Variants in LRBA observed in about 807,000 individuals in gnomAD.
LRBA encodes the protein LPS responsive beige-like anchor protein.
In LRBA, 176 loss-of-function variants were observed where a neutral mutation model predicts 330.0. That is an observed-to-expected ratio of 0.53 (90% CI 0.47 to 0.60). LRBA has a LOEUF of 0.60. Among genes scored for constraint, LRBA ranks in the 20% least tolerant of loss-of-function variants. The pLI is 0.00. For synonymous variants in LRBA, 1,230 were observed against 1,193.0 expected (o/e 1.03, Z -0.64); for missense variants, 3,259 against 3,444.8 (o/e 0.95, Z 1.35).
At chr4:150,376,600 T>G (rs980234814) in intron 47 of LRBA, among the ~76,000 whole-genome samples, 1 of 152,144 alleles carries the variant, frequency 6.6e-6, no homozygotes, top group Non-Finnish European at 1.5e-5. Context: ...CCTTTTTCTA[T>G]CGGAGGACCC....
chr4:150,589,689 G>T (rs1345746881), intron 39 of LRBA, among the ~76,000 whole-genome samples: 1 of 152,052 alleles, frequency 6.6e-6, no homozygotes, highest in Non-Finnish European at 1.5e-5. Flanking sequence ...TATTAGTGTG[G>T]ATTACTTCTT....
chr4:150,995,248 C>T (rs1393429175), intron 2 of LRBA, among the ~76,000 whole-genome samples: 2 of 151,820 alleles, frequency 1.3e-5, no homozygotes, highest in African/African-American at 4.8e-5. Flanking sequence ...CAGAAGCAAA[C>T]ACCAATCCAG....
chr4:151,009,169 T>C (rs4696644), intron 2 of LRBA, among the ~76,000 whole-genome samples: 143,024 of 149,530 alleles, frequency 0.96, 68,716 homozygotes, highest in Non-Finnish European at 1. Flanking sequence ...TGTGCCCAGC[T>C]CAAATTTTCA....
At chr4:150,435,742 C>G (rs1751027319) in intron 45 of LRBA, 34 bp from the exon 46 acceptor site, 1 of 1,563,926 alleles carries the variant, frequency 6.4e-7, no homozygotes, top group Non-Finnish European at 8.7e-7. Flanking sequence ...TCCATATGTT[C>G]CCTCAGGCAT....
chr4:150,722,819 G>T (rs186325684), intron 36 of LRBA, among the ~76,000 whole-genome samples: 1 of 152,134 alleles, frequency 6.6e-6, no homozygotes, highest in East Asian at 1.9e-4. Context: ...GGGCAGGAGA[G>T]ACAGACTTGA....
intron 2 of LRBA, among the ~76,000 whole-genome samples, chr4:150,957,377 C>T (rs1372015917): frequency 6.7e-6 from 1 of 148,322 alleles, no homozygotes; most frequent in African/African-American, 2.6e-5. Context: ...CACCAGATCT[C>T]ATGAGACTTA....
intron 17 of LRBA, among the ~76,000 whole-genome samples, chr4:150,889,209 T>G (rs183894673): frequency 6.6e-6 from 1 of 152,216 alleles, no homozygotes; most frequent in Admixed American, 6.5e-5. Context: ...TTATGTCTAG[T>G]GTTCCATTAT....
In LRBA at chr4:150,849,403, A is replaced by G. The variant is rs1750320032; in HGVS notation, c.4158+19T>C. 19 of 1,609,742 alleles carry G rather than the reference A, an allele frequency of 1.2e-5. No homozygotes were observed. The highest frequency in any genetic ancestry group is 1.6e-5 in the Non-Finnish European group (19 of 1,177,964). On this transcript the variant is annotated intron_variant, in intron 25 of 56. Coordinates refer to ENST00000651943, the MANE Select transcript of LRBA (RefSeq NM_001364905.1). Reference sequence around the variant, plus strand: ...ACTCATGTTTTCACACCAATTTTCTATAGTAATTAAGTCCTTACTGTAGCC... The same window carrying G: ...ACTCATGTTTTCACACCAATTTTCTGTAGTAATTAAGTCCTTACTGTAGCC...
chr4:150,345,607 A>G (rs954994463), intron 48 of LRBA, among the ~76,000 whole-genome samples: 1 of 152,192 alleles, frequency 6.6e-6, no homozygotes, highest in African/African-American at 2.4e-5. Flanking sequence ...CATCCTCTGT[A>G]GAGTGGGCAT....
intron 44 of LRBA, among the ~76,000 whole-genome samples, chr4:150,457,530 T>C (rs553455427): frequency 5.6e-4 from 85 of 152,094 alleles, no homozygotes; most frequent in African/African-American, 2.0e-3. Context: ...ATAGTACATA[T>C]TCACATACAA....
At chr4:150,932,650 G>A (rs1734638455) in intron 2 of LRBA, among the ~76,000 whole-genome samples, 1 of 152,024 alleles carries the variant, frequency 6.6e-6, no homozygotes. Context: ...GTACGTTGGC[G>A]CACACCTGTA....
At chr4:150,503,094 C>T (rs1327849439) in intron 40 of LRBA, among the ~76,000 whole-genome samples, 2 of 152,216 alleles carry the variant, frequency 1.3e-5, no homozygotes, top group Non-Finnish European at 2.9e-5. Context: ...CTCAAGGAGG[C>T]CTGCCTGCCT....
intron 37 of LRBA, among the ~76,000 whole-genome samples, chr4:150,606,708 A>G (rs1774671425): frequency 6.6e-6 from 1 of 152,196 alleles, no homozygotes; most frequent in South Asian, 2.1e-4. Context: ...AAGTCTGATG[A>G]CGTCTAAGCC....
rs79935444 is a variant in LRBA at position 150,546,800 on chromosome 4, T to C, written c.6330+41248A>G. On this transcript the variant is annotated intron_variant, in intron 40 of 56. Transcript: ENST00000651943. ...TCATTTAACTACCCCAAAGGTGATA[T>C]AGTAGAACAAAGCAATGTCCCTGGT... Among the ~76,000 whole-genome samples the C allele has an allele frequency of 1.2e-3, 178 of 152,288 alleles. 3 individuals are homozygous for C. Among genetic ancestry groups the C allele is most frequent in the African/African-American group, 4.2e-3 (173 of 41,566 alleles).
chr4:150,633,339 C>T (rs1230022157), intron 37 of LRBA, among the ~76,000 whole-genome samples: 6 of 152,172 alleles, frequency 3.9e-5, no homozygotes, highest in African/African-American at 1.2e-4. Flanking sequence ...TTCTTGAGTG[C>T]TAAATATTGT....
chr4:150,433,677 T>A (rs1421192759), intron 46 of LRBA, among the ~76,000 whole-genome samples: 4 of 152,166 alleles, frequency 2.6e-5, no homozygotes, highest in African/African-American at 9.6e-5. Context: ...TATTTTCATT[T>A]CTCTTATTAT....
intron 2 of LRBA, among the ~76,000 whole-genome samples, chr4:150,987,403 C>G (rs993339622): frequency 6.6e-6 from 1 of 152,120 alleles, no homozygotes; most frequent in African/African-American, 2.4e-5. Context: ...GATAAAAGTG[C>G]CAGTCAGCAA....
chr4:150,546,066 C>A (rs1002436424), intron 40 of LRBA, among the ~76,000 whole-genome samples: 15 of 152,078 alleles, frequency 9.9e-5, no homozygotes, highest in African/African-American at 3.4e-4. Flanking sequence ...ACAAGCAAGT[C>A]TTTTTTAATC....
intron 37 of LRBA, among the ~76,000 whole-genome samples, chr4:150,610,684 A>C (rs1775164846): frequency 6.6e-6 from 1 of 152,190 alleles, no homozygotes; most frequent in Non-Finnish European, 1.5e-5. Flanking sequence ...GACCAAAATA[A>C]GGAAGGTTAA....
Sources: gnomAD v4.1 joint callset for allele counts (sites outside exome capture counted in the v4.1 genomes callset) on GRCh38, gnomAD v4.1.1 for gene constraint, MANE v1.5 for transcripts, NCBI Gene and HGNC (gene_info 2026-07-23, HGNC 2026-07-21) for gene names.